TLN2: variants seen among roughly 807,000 people sequenced by gnomAD.
The protein encoded by TLN2 is talin-2.
A neutral mutation model predicts 294.7 loss-of-function variants in TLN2; 118 were observed. The ratio of observed to expected loss-of-function variants is 0.40; its 90% CI spans 0.34 to 0.47. The LOEUF (loss-of-function observed/expected upper bound fraction) is 0.47. Ranked by LOEUF, TLN2 falls within the 20% of genes least tolerant of loss-of-function variation. The pLI is 0.84. For missense variants in TLN2, 3,083 were observed against 3,282.2 expected, an observed-to-expected ratio of 0.94 and a Z score of 1.48; for synonymous variants, 1,431 against 1,304.5, an observed-to-expected ratio of 1.10 and a Z score of -2.09.
At chr15:62,800,533 T>A in intron 49 of TLN2, 40 bp downstream of exon 49, 4 of 1,611,822 alleles carry the variant, frequency 2.5e-6, no homozygotes, top group Non-Finnish European at 3.4e-6. Flanking sequence ...ACCTGAGTTC[T>A]CTTCTCACTT....
At chr15:62,707,400 T>G (rs1353645966) in intron 20 of TLN2, 147 bp downstream of exon 20, 7 of 1,022,480 alleles carry the variant, frequency 6.8e-6, no homozygotes, top group Non-Finnish European at 9.2e-6. Context: ...ATGATAGGAT[T>G]TTAGCATAAG....
At chr15:62,612,685 C>G (rs1011294612) in intron 2 of TLN2, among the ~76,000 whole-genome samples, 3 of 152,208 alleles carry the variant, frequency 2.0e-5, no homozygotes, top group Admixed American at 1.3e-4. Context: ...TAAAAATAAG[C>G]CATGTTCTTT....
At chr15:62,508,199 A>AT (rs2039730402) in intron 1 of TLN2, among the ~76,000 whole-genome samples, 1 of 151,940 alleles carries the variant, frequency 6.6e-6, no homozygotes, top group Admixed American at 6.6e-5. Flanking sequence ...CCTATAGATG[A>AT]TTTTTTAAAA....
At position 62,675,284 on chromosome 15, in the gene TLN2, C is replaced by T; in HGVS notation, c.920C>T (p.Ser307Phe). 6.2e-7 allele frequency: 1 copy of T among 1,614,220 alleles called. No homozygotes were observed. The highest frequency in any genetic ancestry group is 8.5e-7 in the Non-Finnish European group (1 of 1,180,042). Residue 307 changes from serine (S) to phenylalanine (F), a missense_variant, in exon 11 of 59, where the codon TCC (serine) becomes TTC (phenylalanine). Coordinates refer to ENST00000636159, the MANE Select transcript of TLN2 (RefSeq NM_015059.3). ...AKVKYVKLARSLRTYGVSFFL... is the reference protein window; with the variant it reads ...AKVKYVKLARFLRTYGVSFFL... ...GTCAAGTACGTCAAACTCGCACGGT[C>T]CCTCCGCACATATGGCGTGTCCTTC...
At chr15:62,692,727 G>A in intron 12 of TLN2, 113 bp from the exon 13 acceptor site, 1 of 730,822 alleles carries the variant, frequency 1.4e-6, no homozygotes, top group East Asian at 2.8e-5. Flanking sequence ...ATTTAGAGAG[G>A]AGGAGCAGGG....
rs771721584 is a variant in TLN2 at position 62,819,528 on chromosome 15, C to G, written c.6784C>G (p.Pro2262Ala). Residue 2262 changes from proline (P) to alanine (A), a missense_variant, in exon 53 of 59, where the codon CCA (proline) becomes GCA (alanine). Transcript: ENST00000636159. The part of the protein sequence containing the change: ...LEHVLVILQK[P>A]TPEFKQQLAA... Reference sequence around the variant, plus strand: ...TCTTCACCTGTAGATTCTTCAGAAACCAACCCCAGAATTCAAGCAGCAGCT... The same window carrying G: ...TCTTCACCTGTAGATTCTTCAGAAAGCAACCCCAGAATTCAAGCAGCAGCT... 2 of 1,614,106 alleles carry G rather than the reference C, an allele frequency of 1.2e-6. No homozygotes were observed. Among genetic ancestry groups the G allele is most frequent in the South Asian group, 1.1e-5 (1 of 91,078 alleles).
At chr15:62,419,783 C>G (rs1595761678) in intron 1 of TLN2, among the ~76,000 whole-genome samples, 3 of 151,906 alleles carry the variant, frequency 2.0e-5, no homozygotes, top group African/African-American at 7.3e-5. Flanking sequence ...ACTACAGGTG[C>G]ACCCCACCAG....
intron 1 of TLN2, among the ~76,000 whole-genome samples, chr15:62,581,614 A>G (rs537554405): frequency 5.5e-4 from 84 of 152,292 alleles, no homozygotes; most frequent in African/African-American, 1.4e-3. Context: ...TCATTCTCCA[A>G]TTGTTATACC....
intron 1 of TLN2, among the ~76,000 whole-genome samples, chr15:62,555,765 T>A (rs1596111618): frequency 6.6e-6 from 1 of 152,146 alleles, no homozygotes; most frequent in Non-Finnish European, 1.5e-5. Context: ...GTTTTAAATA[T>A]CTTTATTGTA....
Position 62,680,950 on chromosome 15 carries a change from A to AT in TLN2, c.957+5630dup, listed in dbSNP as rs1385654698. Among the ~76,000 whole-genome samples, 4 of 152,260 alleles carry AT rather than the reference A, an allele frequency of 2.6e-5. No individual in the cohort carries two copies. In the East Asian group the frequency reaches 7.7e-4, roughly 29 times the overall value. On this transcript the variant is annotated intron_variant, in intron 11 of 58. Coordinates refer to ENST00000636159, the MANE Select transcript of TLN2 (RefSeq NM_015059.3). The stretch of plus-strand genomic sequence containing the variant: ...CTGAGTAGTATTCCATGGTGTATAT[A>AT]TGCCACATTTTCTCTATCCACTCAT...
chr15:62,434,163 A>T (rs973611982), intron 1 of TLN2, among the ~76,000 whole-genome samples: 11 of 152,222 alleles, frequency 7.2e-5, no homozygotes, highest in African/African-American at 2.2e-4. Context: ...CTAAAAACTA[A>T]GGTCCCTTCC....
At chr15:62,609,698 G>A (rs1218795835) in intron 2 of TLN2, among the ~76,000 whole-genome samples, 2 of 152,160 alleles carry the variant, frequency 1.3e-5, no homozygotes, top group African/African-American at 4.8e-5. Context: ...TCCTGTTACC[G>A]ATGGTGCCCA....
At chr15:62,765,327 T>A (rs1480053359) in intron 40 of TLN2, among the ~76,000 whole-genome samples, 2 of 152,092 alleles carry the variant, frequency 1.3e-5, no homozygotes, top group Non-Finnish European at 2.9e-5. Flanking sequence ...TTTTTTTTTT[T>A]CTTTTTCCAG....
chr15:62,771,867 A>AT (rs1287585948), intron 42 of TLN2, among the ~76,000 whole-genome samples: 1 of 152,220 alleles, frequency 6.6e-6, no homozygotes, highest in Non-Finnish European at 1.5e-5. Flanking sequence ...GTGGGGAGCC[A>AT]TTGGCAGTTT....
chr15:62,823,238 G>GT (rs1382187235), intron 54 of TLN2, among the ~76,000 whole-genome samples: 1 of 152,192 alleles, frequency 6.6e-6, no homozygotes, highest in African/African-American at 2.4e-5. Flanking sequence ...CTATGAAACT[G>GT]TTTTGGAAAA....
intron 11 of TLN2, among the ~76,000 whole-genome samples, chr15:62,677,632 C>A (rs2056363317): frequency 6.6e-6 from 1 of 152,038 alleles, no homozygotes; most frequent in Non-Finnish European, 1.5e-5. Context: ...TCTCCTTTTA[C>A]ACAATTATTT....
At position 62,647,896 on chromosome 15, in the gene TLN2, T is replaced by TA. The variant is rs201905073; in HGVS notation, c.136+459dup. On this transcript the variant is annotated intron_variant, in intron 4 of 58. Coordinates refer to ENST00000636159, the MANE Select transcript of TLN2 (RefSeq NM_015059.3). ...ACTTTATAAATTTTATCTCAAACCT[T>TA]AAAAAAAAAGACATTTGTGATATAT... Among the ~76,000 whole-genome samples the TA allele has an allele frequency of 9.2e-3, 1,389 of 151,082 alleles. 21 individuals carry two copies. Among genetic ancestry groups the TA allele is most frequent in the African/African-American group, 0.032 (1,328 of 41,234 alleles).
At chr15:62,545,882 A>G (rs950304324) in intron 1 of TLN2, among the ~76,000 whole-genome samples, 10 of 152,206 alleles carry the variant, frequency 6.6e-5, no homozygotes, top group South Asian at 6.2e-4. Flanking sequence ...GGTGCTGTCA[A>G]TTCTTTCACC....
chr15:62,686,361 A>C (rs938648939), intron 11 of TLN2, among the ~76,000 whole-genome samples: 1 of 152,104 alleles, frequency 6.6e-6, no homozygotes, highest in South Asian at 2.1e-4. Flanking sequence ...TTTCAGTTCT[A>C]TCCCATCTTT....
Sources: allele counts gnomAD v4.1 joint callset (sites outside exome capture counted in the v4.1 genomes callset), GRCh38; gene constraint gnomAD v4.1.1; transcripts MANE v1.5; gene names NCBI Gene and HGNC (gene_info 2026-07-23, HGNC 2026-07-21).